KIF3C: variants seen among roughly 807,000 people sequenced by gnomAD.
KIF3C encodes kinesin-like protein KIF3C.
KIF3C carries 12 observed loss-of-function variants against 67.7 expected under a neutral mutation model. The observed-to-expected ratio is 0.18, with a 90% CI of 0.11 to 0.29. The LOEUF is 0.29. KIF3C is among the 10% of genes least tolerant of loss of function. KIF3C has a pLI of 1.00. For synonymous variants in KIF3C, 393 were observed against 426.2 expected (o/e 0.92, Z 0.96); for missense variants, 789 against 1,059.6 (o/e 0.74, Z 3.55).
intron 5 of KIF3C, chr2:25,933,937 T>C (rs1300584279): frequency 6.4e-6 from 2 of 314,638 alleles, no homozygotes; most frequent in Non-Finnish European, 1.3e-5. Flanking sequence ...GCAGCATTAT[T>C]TATAATAGCC....
chr2:25,942,702 G>T (rs776180068), intron 5 of KIF3C, among the ~76,000 whole-genome samples: 2 of 152,118 alleles, frequency 1.3e-5, no homozygotes. Flanking sequence ...GAGCCACCGC[G>T]CCAGTGCAAA....
At chr2:25,944,329 T>C (rs1663371285) in intron 5 of KIF3C, among the ~76,000 whole-genome samples, 1 of 151,926 alleles carries the variant, frequency 6.6e-6, no homozygotes, top group Non-Finnish European at 1.5e-5. Context: ...GTAGAGAACA[T>C]TGGTAAATCA....
rs1663796362 is a variant in KIF3C, at chr2:25,955,919, C to T, written c.1648-256G>A. The stretch of plus-strand genomic sequence containing the variant: ...CCTAAGAGCTGGCCTACTCCAGAGG[C>T]GTTAGTCACACAGATGGAGGCACAT... On this transcript the variant is annotated intron_variant, in intron 2 of 7. Transcript: ENST00000264712. This position sits in a 1 kb window ranked among gnomAD's most constrained non-coding sequence, Gnocchi z 5.0. Among the ~76,000 whole-genome samples the T allele has an allele frequency of 6.6e-6, 1 of 152,180 alleles. No individual in the cohort carries two copies. Among genetic ancestry groups the T allele is most frequent in the Non-Finnish European group, 1.5e-5 (1 of 68,034 alleles).
In KIF3C at chr2:25,981,500, G is replaced by T. The variant is rs1226502106; in HGVS notation, c.418C>A (p.Leu140Met). 6.2e-7 allele frequency: 1 copy of T among 1,613,906 alleles called. No individual in the cohort carries two copies. The highest frequency in any genetic ancestry group is 1.7e-5 in the Admixed American group (1 of 60,006). Residue 140 changes from leucine (L) to methionine (M), a missense_variant, in exon 1 of 8, where the codon CTG (leucine) becomes ATG (methionine). Leu to Met is a conservative substitution (Grantham distance 15). This residue lies in a region of KIF3C where 141 missense variants were observed against 251.8 expected (regional missense o/e 0.56). Transcript: ENST00000264712. This position sits in a 1 kb window ranked among gnomAD's most constrained non-coding sequence, Gnocchi z 8.2. ...HISRSQNQQY[L>M]VRASYLEIYQ... Reference sequence around the variant, plus strand: ...ATCTCCAAATAGGAGGCCCGGACCAGGTACTGTTGGTTCTGGGAGCGGGAG... The same window carrying T: ...ATCTCCAAATAGGAGGCCCGGACCATGTACTGTTGGTTCTGGGAGCGGGAG...
intron 5 of KIF3C, among the ~76,000 whole-genome samples, chr2:25,945,079 C>T (rs1167537669): frequency 6.6e-6 from 1 of 150,440 alleles, no homozygotes; most frequent in Non-Finnish European, 1.5e-5. Context: ...TGCAGTGAAC[C>T]GAGATCACAC....
chr2:25,946,422 G>A lies in KIF3C; in HGVS notation c.2006+5367C>T, dbSNP rs185463176. ...ATATAAAAATTAGGCCGGGCATGGT[G>A]GCTCACGCCTGTAATCCCAGCATTT... On this transcript the variant is annotated intron_variant, in intron 5 of 7. Coordinates refer to ENST00000264712, the MANE Select transcript of KIF3C (RefSeq NM_002254.8). Among the ~76,000 whole-genome samples, 901 of 152,228 alleles carry A rather than the reference G, an allele frequency of 5.9e-3. 9 individuals carry two copies. The highest frequency in any genetic ancestry group is 0.021 in the African/African-American group (862 of 41,536).
chr2:25,954,199 G>C (rs1257994427), intron 4 of KIF3C, 68 bp downstream of exon 4: 1 of 1,112,250 alleles, frequency 9.0e-7, no homozygotes, highest in African/African-American at 1.5e-5. Flanking sequence ...GAGGCCTTAG[G>C]GGAGGAGAGG....
At position 25,927,622 on chromosome 2, in the gene KIF3C, G is replaced by T. The variant is rs1014728675; in HGVS notation, c.*1356C>A. ...TTCAGGCAGATCTGTCAGTCTCATGGTTTCACCCCAACGACAGCACTCTTC... is the reference window on the plus strand; with the variant it reads ...TTCAGGCAGATCTGTCAGTCTCATGTTTTCACCCCAACGACAGCACTCTTC... On this transcript the variant is annotated 3_prime_UTR_variant, in exon 8 of 8. Transcript: ENST00000264712. The T allele has an allele frequency of 6.6e-6, 1 of 151,958 alleles. No individual in the cohort carries two copies. Among genetic ancestry groups the T allele is most frequent in the Non-Finnish European group, 1.5e-5 (1 of 68,020 alleles). 9.4% of individuals were successfully genotyped at this position (151,958 alleles called of 1,614,324 possible).
chr2:25,962,913 A>T lies in KIF3C; in HGVS notation c.1546-6469T>A, dbSNP rs1357859041. Among the ~76,000 whole-genome samples, 2 of 51,104 alleles carry T rather than the reference A, an allele frequency of 3.9e-5. 1 individual carries two copies. Among genetic ancestry groups the T allele is most frequent in the African/African-American group, 2.4e-4 (2 of 8,186 alleles). 33.5% of individuals were successfully genotyped at this position (51,104 alleles called of 152,430 possible). ...TAATATAAAATATATATAATATATA[A>T]TATATATAATATATAATACATATAA... is the stretch of plus-strand genomic sequence containing the variant. On this transcript the variant is annotated intron_variant, in intron 1 of 7. Transcript: ENST00000264712.
intron 5 of KIF3C, among the ~76,000 whole-genome samples, chr2:25,945,564 CAAAAAAA>C (rs10581291): frequency 4.7e-4 from 32 of 67,374 alleles, no homozygotes; most frequent in Middle Eastern, 0.018. Flanking sequence ...GAGAATATCT[CAAAAAAA>C]AAAAAAAAAA....
At chr2:25,949,902 C>T (rs890299448) in intron 5 of KIF3C, among the ~76,000 whole-genome samples, 7 of 151,444 alleles carry the variant, frequency 4.6e-5, no homozygotes, top group Admixed American at 6.6e-5. Context: ...ACCCAGGAAG[C>T]GGAGGTTGCA....
At position 25,962,990 on chromosome 2, in the gene KIF3C, T is replaced by TATATAATATATAATATATATA. The variant is rs1664026617; in HGVS notation, c.1546-6547_1546-6546insTATATATATTATATATTATAT. On this transcript the variant is annotated intron_variant, in intron 1 of 7. Coordinates refer to ENST00000264712, the MANE Select transcript of KIF3C (RefSeq NM_002254.8). ...ATAATATATAATATATAATATATAA[T>TATATAATATATAATATATATA]ATATATAATATATAATATATAATAT... is the stretch of plus-strand genomic sequence containing the variant. Among the ~76,000 whole-genome samples the TATATAATATATAATATATATA allele has an allele frequency of 3.6e-4, 13 of 36,386 alleles. 2 individuals are homozygous for TATATAATATATAATATATATA. The highest frequency in any genetic ancestry group is 5.7e-4 in the Admixed American group (1 of 1,762). The allele number at this position is 36,386 out of a possible 152,430, so 23.9% of individuals were successfully genotyped here.
chr2:25,942,036 C>T (rs560907112), intron 5 of KIF3C, among the ~76,000 whole-genome samples: 1 of 150,884 alleles, frequency 6.6e-6, no homozygotes, highest in Non-Finnish European at 1.5e-5. Context: ...GACCCTGTCT[C>T]AAAAAAATAG....
Position 25,947,474 on chromosome 2 carries a change from G to A in KIF3C, c.2006+4315C>T, listed in dbSNP as rs993880786. On this transcript the variant is annotated intron_variant, in intron 5 of 7. Transcript: ENST00000264712. ...CAGGCACCTGTAGTCCCAGCTACTC[G>A]GGAGGCTGAGGCAGGAGAATGGCGT... 3.3e-5 allele frequency among the ~76,000 whole-genome samples: 5 copies of A among 151,810 alleles called. No homozygotes were observed. In the East Asian group the frequency reaches 7.8e-4, roughly 24 times the overall value.
rs541921400 is a variant in KIF3C at position 25,936,875 on chromosome 2, A to G, written c.2007-6812T>C. On this transcript the variant is annotated intron_variant, in intron 5 of 7. Coordinates refer to ENST00000264712, the MANE Select transcript of KIF3C (RefSeq NM_002254.8). ...CAGAAAAAAGAAAGGAAAGAAAACA[A>G]GAAAGCTACTTCCATTTAAAAAAAT... Among the ~76,000 whole-genome samples, 5 of 152,376 alleles carry G rather than the reference A, an allele frequency of 3.3e-5. No homozygotes were observed. The South Asian group carries it at 1.0e-3, about 32-fold the overall frequency.
At chr2:25,968,906 A>G (rs1664209939) in intron 1 of KIF3C, among the ~76,000 whole-genome samples, 1 of 151,402 alleles carries the variant, frequency 6.6e-6, no homozygotes, top group Non-Finnish European at 1.5e-5. Context: ...TCACCGCAAC[A>G]TCCGCCTTCC....
rs1403707308 is a variant in KIF3C, at chr2:25,929,075, C to T, written c.2289-4G>A. 3 of 1,612,726 alleles carry T rather than the reference C, an allele frequency of 1.9e-6. No individual in the cohort carries two copies. The highest frequency in any genetic ancestry group is 2.2e-5 in the East Asian group (1 of 44,882). ...AGGCCGCTGAGGACTCTGGCACCTG[C>T]AGGGGAGATGACGCAGGCGAAAGGG... is the stretch of plus-strand genomic sequence containing the variant. On this transcript the variant is annotated splice_polypyrimidine_tract_variant and splice_region_variant and intron_variant, in intron 7 of 7. Coordinates refer to ENST00000264712, the MANE Select transcript of KIF3C (RefSeq NM_002254.8).
At chr2:25,970,393 C>T (rs766608277) in intron 1 of KIF3C, among the ~76,000 whole-genome samples, 11 of 152,116 alleles carry the variant, frequency 7.2e-5, no homozygotes, top group Admixed American at 1.3e-4. Context: ...TCAGGCCGGG[C>T]GCGGTGGCTC....
chr2:25,950,311 G>A (rs1004296874), intron 5 of KIF3C, among the ~76,000 whole-genome samples: 2 of 150,882 alleles, frequency 1.3e-5, no homozygotes, highest in South Asian at 2.1e-4. Flanking sequence ...TCCACCTCCC[G>A]AGTTCAAGAG....
Sources: gnomAD v4.1 joint callset for allele counts (sites outside exome capture counted in the v4.1 genomes callset) on GRCh38, gnomAD v4.1.1 for gene constraint, gnomAD v4.1.1 regional missense constraint, Gnocchi (gnomAD v3.1) non-coding constraint, MANE v1.5 for transcripts, NCBI Gene and HGNC (gene_info 2026-07-23, HGNC 2026-07-21) for gene names.